RALGDS: variants seen among roughly 807,000 people sequenced by gnomAD.
The protein encoded by RALGDS is ral guanine nucleotide exchange factor.
RALGDS carries 44 observed loss-of-function variants against 99.8 expected under a neutral mutation model. That is an observed-to-expected ratio of 0.44 (90% CI 0.35 to 0.57). RALGDS has a LOEUF of 0.57. Ranked by LOEUF, RALGDS falls within the 20% of genes least tolerant of loss-of-function variation. The pLI is 0.01. For synonymous variants in RALGDS, 529 were observed against 505.0 expected, an observed-to-expected ratio of 1.05 and a Z score of -0.64; for missense variants, 1,022 against 1,203.1, an observed-to-expected ratio of 0.85 and a Z score of 2.23.
Position 133,097,825 on chromosome 9 carries a change from T to C in RALGDS, c.*762A>G. ...TCAGTAAACAAACATTTTTTTTTTC[T>C]TTTTGCTTTTTATACAAATATTCAA... On this transcript the variant is annotated 3_prime_UTR_variant, in exon 18 of 18. Transcript: ENST00000372050. The C allele has an allele frequency of 4.4e-6, 1 of 226,996 alleles. No homozygotes were observed. The highest frequency in any genetic ancestry group is 2.2e-5 in the African/African-American group (1 of 45,042). 14.1% of individuals were successfully genotyped at this position (226,996 alleles called of 1,614,324 possible).
At chr9:133,134,593 C>T (rs1832395172), upstream of RALGDS, among the ~76,000 whole-genome samples, 1 of 152,126 alleles carries the variant, frequency 6.6e-6, no homozygotes, top group South Asian at 2.1e-4. Context: ...CTACTCTGTT[C>T]CAAATTAAGG....
At chr9:133,148,053 GCCC>G in intron 1 of RALGDS, among the ~76,000 whole-genome samples, 1 of 152,066 alleles carries the variant, frequency 6.6e-6, no homozygotes, top group African/African-American at 2.4e-5. Context: ...CAGCCCTTCA[GCCC>G]CCCCGGCTTC....
intron 9 of RALGDS, among the ~76,000 whole-genome samples, chr9:133,105,587 G>GGC (rs1296069903): frequency 6.6e-6 from 1 of 152,076 alleles, no homozygotes; most frequent in African/African-American, 2.4e-5. Flanking sequence ...CCGGTGTGGG[G>GGC]GCAGGAGCCG....
At chr9:133,119,222 G>A (rs547064036) in intron 1 of RALGDS, among the ~76,000 whole-genome samples, 116 of 152,308 alleles carry the variant, frequency 7.6e-4, no homozygotes, top group African/African-American at 2.6e-3. Flanking sequence ...GACCAAGTGC[G>A]CAGCGTCAGC....
At chr9:133,140,177 G>A (rs1321865836) in intron 1 of RALGDS, among the ~76,000 whole-genome samples, 1 of 152,090 alleles carries the variant, frequency 6.6e-6, no homozygotes, top group Non-Finnish European at 1.5e-5. Context: ...GTCAGGTGGT[G>A]GCAGCCCCCA....
upstream of RALGDS, chr9:133,131,206 G>A (rs2119251629): frequency 8.5e-7 from 1 of 1,182,574 alleles, no homozygotes; most frequent in South Asian, 1.7e-5. Context: ...GGACCCAGCT[G>A]AGCAGACAGT....
chr9:133,108,143 T>G lies in RALGDS; in HGVS notation c.1042A>C (p.Thr348Pro). The change falls in exon 6 of 18, where the codon ACT becomes CCT. Residue 348 changes from threonine to proline, a missense_variant. Physicochemically the swap from Thr to Pro is conservative, Grantham distance 38. Around this residue, in one of 3 missense-constraint regions of RALGDS, gnomAD observed 825 missense variants for 994.5 expected, o/e 0.83. Coordinates refer to ENST00000372050, the MANE Select transcript of RALGDS (RefSeq NM_006266.4). ...APEQDPAPSQ[T>P]LELEPAPAPV... ...GCTGGAGCTGGCTCCAGCTCTAGAG[T>G]TTGTGAGGGAGCTGGATCCTGTTCT... 6.2e-7 allele frequency: 1 copy of G among 1,609,214 alleles called. No individual in the cohort carries two copies. Among genetic ancestry groups the G allele is most frequent in the Non-Finnish European group, 8.5e-7 (1 of 1,177,526 alleles).
In RALGDS at chr9:133,110,395, G is replaced by A. The variant is rs751265553; in HGVS notation, c.389C>T (p.Pro130Leu). Residue 130 changes from proline (P) to leucine (L), a missense_variant, in exon 3 of 18, where the codon CCA becomes CTA. Pro to Leu is a moderately conservative substitution (Grantham distance 98, BLOSUM62 -3). Coordinates refer to ENST00000372050, the MANE Select transcript of RALGDS (RefSeq NM_006266.4). ...TLEKLVEHLV[P>L]AFQGSDLSYV... is the part of the protein sequence containing the mutation. ...GGAGAGGTCGCTGCCCTGGAAGGCT[G>A]GCACCAGGTGCTCCACCAGCTTCTC... 21 of 1,613,308 alleles carry A rather than the reference G, an allele frequency of 1.3e-5. No individual in the cohort carries two copies. In the Admixed American group the frequency reaches 1.7e-4, roughly 13 times the overall value.
Position 133,112,075 on chromosome 9 carries a change from G to T in RALGDS, c.261C>A (p.His87Gln), listed in dbSNP as rs936757649. The change falls in exon 2 of 18, where the codon CAC (histidine) becomes CAA (glutamine). Residue 87 changes from histidine to glutamine, a missense_variant. Physicochemically the swap from His to Gln is conservative, Grantham distance 24. This residue lies in a region of RALGDS where 180 missense variants were observed against 169.3 expected (regional missense o/e 1.06). Transcript: ENST00000372050. ...YSISLRKVQL[H>Q]HGGNKGQRWL... The stretch of plus-strand genomic sequence containing the variant: ...AGCGCTGCCCCTTGTTGCCTCCGTG[G>T]TGCAGCTGCACCTTGCGCAGGGAGA... 7 of 1,585,822 alleles carry T rather than the reference G, an allele frequency of 4.4e-6. No individual in the cohort carries two copies. The highest frequency in any genetic ancestry group is 5.1e-6 in the Non-Finnish European group (6 of 1,165,120).
intron 2 of RALGDS, among the ~76,000 whole-genome samples, chr9:133,111,287 C>T (rs940702985): frequency 2.0e-5 from 3 of 152,068 alleles, no homozygotes; most frequent in Non-Finnish European, 4.4e-5. Context: ...GCATCTTCCC[C>T]GTGGCACTGT....
At position 133,101,514 on chromosome 9, in the gene RALGDS, G is replaced by T; in HGVS notation, c.2454+6C>A. On this transcript the variant is annotated splice_donor_region_variant and intron_variant, in intron 16 of 17. Coordinates refer to ENST00000372050, the MANE Select transcript of RALGDS (RefSeq NM_006266.4). Reference sequence around the variant, plus strand: ...GGAGGCACCCAGGCCACCCCCGCCGGCTTACCAGGATGCTCTTGTACATGT... The same window carrying T: ...GGAGGCACCCAGGCCACCCCCGCCGTCTTACCAGGATGCTCTTGTACATGT... 1 of 1,611,460 alleles carries T rather than the reference G, an allele frequency of 6.2e-7. No individual in the cohort carries two copies.
Position 133,121,203 on chromosome 9 carries a change from C to CGGCGGCGCGGCCCGGCGCGCGGCGGGGGT in RALGDS, c.-50_-49insACCCCCGCCGCGCGCCGGGCCGCGCCGCC. 2.1e-6 allele frequency: 2 copies of CGGCGGCGCGGCCCGGCGCGCGGCGGGGGT among 961,918 alleles called. No homozygotes were observed. The highest frequency in any genetic ancestry group is 2.5e-6 in the Non-Finnish European group (2 of 813,696). 59.6% of individuals were successfully genotyped at this position (961,918 alleles called of 1,614,324 possible). On this transcript the variant is annotated 5_prime_UTR_variant, in exon 1 of 18. Transcript: ENST00000372050. ...GGGCCGGCCCGGCGCGCGGCGGGGG[C>CGGCGGCGCGGCCCGGCGCGCGGCGGGGGT]GGCGGCGCGGCCCGCGCGGCTGGGC...
chr9:133,120,914 C>A, intron 1 of RALGDS, 58 bp downstream of exon 1: 1 of 1,438,610 alleles, frequency 7.0e-7, no homozygotes, highest in Non-Finnish European at 9.1e-7. Context: ...CTGCCCAGCT[C>A]TGCCGCGGGT....
intron 1 of RALGDS, among the ~76,000 whole-genome samples, chr9:133,119,672 C>T (rs1831811083): frequency 6.6e-6 from 1 of 151,998 alleles, no homozygotes; most frequent in South Asian, 2.1e-4. Flanking sequence ...GTGTCAGCCT[C>T]CCACCCCCAC....
rs956635886 is a variant in RALGDS, at chr9:133,097,854, C to T, written c.*733G>A. 1 of 222,662 alleles carries T rather than the reference C, an allele frequency of 4.5e-6. No individual in the cohort carries two copies. The highest frequency in any genetic ancestry group is 2.3e-5 in the African/African-American group (1 of 43,488). 13.8% of individuals were successfully genotyped at this position (222,662 alleles called of 1,614,324 possible). A position where few individuals can be genotyped will look rare whatever the true frequency, so the allele number is the denominator to read the frequency against. ...TGCTTTTTATACAAATATTCAATCA[C>T]CCCACCCCCACCCCAAATCCTCCTT... is the stretch of plus-strand genomic sequence containing the variant. On this transcript the variant is annotated 3_prime_UTR_variant, in exon 18 of 18. Coordinates refer to ENST00000372050, the MANE Select transcript of RALGDS (RefSeq NM_006266.4).
intron 1 of RALGDS, among the ~76,000 whole-genome samples, chr9:133,148,106 C>T (rs1832655570): frequency 6.6e-6 from 1 of 152,210 alleles, no homozygotes; most frequent in Admixed American, 6.5e-5. Flanking sequence ...GCATTTTCCA[C>T]AGACCTCGGT....
intron 16 of RALGDS, 38 bp downstream of exon 16, chr9:133,101,482 A>C (rs1830753492): frequency 6.2e-7 from 1 of 1,608,908 alleles, no homozygotes; most frequent in Admixed American, 1.7e-5. Flanking sequence ...ATTTGCCGCC[A>C]GTGGAGGGAG....
At chr9:133,098,986 A>C in intron 17 of RALGDS, 1 of 552,762 alleles carries the variant, frequency 1.8e-6, no homozygotes, top group Non-Finnish European at 3.3e-6. Flanking sequence ...ACAGGGACTG[A>C]CTCCAGAACC....
chr9:133,109,900 C>T (rs1831256583), intron 3 of RALGDS, among the ~76,000 whole-genome samples, 179 bp from the exon 4 acceptor site: 1 of 152,166 alleles, frequency 6.6e-6, no homozygotes. Flanking sequence ...CCAGCTCCTT[C>T]CCAGCTATCT....
Sources: allele counts gnomAD v4.1 joint callset (sites outside exome capture counted in the v4.1 genomes callset), GRCh38; gene constraint gnomAD v4.1.1; regional missense constraint gnomAD v4.1.1; transcripts MANE v1.5; gene names NCBI Gene and HGNC (gene_info 2026-07-23, HGNC 2026-07-21).